FAT4: variants seen among roughly 807,000 people sequenced by gnomAD.
FAT4 encodes FAT atypical cadherin 4, also known as protocadherin Fat 4.
Under a neutral mutation model 303.9 loss-of-function variants are expected in FAT4, and 84 were observed. That is an observed-to-expected ratio of 0.28 (90% CI 0.23 to 0.33). The LOEUF (loss-of-function observed/expected upper bound fraction) is 0.33. Ranked by LOEUF, FAT4 falls within the 10% of genes least tolerant of loss-of-function variation. The pLI, the probability that FAT4 is intolerant of heterozygous loss-of-function variation, is 1.00. For synonymous variants in FAT4, 2,307 were observed against 2,298.8 expected (o/e 1.00, Z -0.10); for missense variants, 6,005 against 6,146.8 (o/e 0.98, Z 0.77).
chr4:125,487,502 A>G lies in FAT4; in HGVS notation c.12980A>G (p.Asn4327Ser), dbSNP rs759944779. The G allele has an allele frequency of 5.0e-6, 8 of 1,613,986 alleles. No homozygotes were observed. Among genetic ancestry groups the G allele is most frequent in the Non-Finnish European group, 1.7e-6 (2 of 1,179,972 alleles). The change falls in exon 17 of 18, where the codon AAC becomes AGC. Residue 4327 changes from asparagine to serine, a missense_variant. Transcript: ENST00000394329. ...GTATTGTCTGTTGACAGAATATATAACAGAGATATTATCCACCCTACTCAG... is the reference window on the plus strand; with the variant it reads ...GTATTGTCTGTTGACAGAATATATAGCAGAGATATTATCCACCCTACTCAG... Reference protein sequence around the residue: ...ATVLSVDRIYNRDIIHPTQDF... With the variant: ...ATVLSVDRIYSRDIIHPTQDF...
At chr4:125,439,824 G>T (rs914110962) in intron 8 of FAT4, among the ~76,000 whole-genome samples, 2 of 152,116 alleles carry the variant, frequency 1.3e-5, no homozygotes, top group African/African-American at 2.4e-5. Context: ...CAGAATTTCT[G>T]TTGAATTCTG....
In FAT4 at chr4:125,317,986, C is replaced by T; in HGVS notation, c.1575C>T (p.Ile525=). Residue 525 remains isoleucine (I), a synonymous_variant, in exon 2 of 18, where the codon ATC becomes ATT. Coordinates refer to ENST00000394329, the MANE Select transcript of FAT4 (RefSeq NM_001291303.3). The surrounding 1 kb of genome is among the most constrained non-coding windows in gnomAD (Gnocchi z 7.0). ...GCAATGGACTGGGATGGTTCCATAT[C>T]AGTGAACATAGCGGCCTCGTGACCA... ...VSGNGLGWFH[I]SEHSGLVTTG... is the part of the protein sequence containing the mutation. 1 of 1,614,196 alleles carries T rather than the reference C, an allele frequency of 6.2e-7. No homozygotes were observed. The highest frequency in any genetic ancestry group is 8.5e-7 in the Non-Finnish European group (1 of 1,180,038).
intron 2 of FAT4, among the ~76,000 whole-genome samples, chr4:125,325,078 G>C (rs1401412772): frequency 6.6e-5 from 10 of 151,962 alleles, no homozygotes; most frequent in Non-Finnish European, 1.2e-4. Context: ...TCCTTACACA[G>C]ATATTTTGAG....
At chr4:125,380,054 C>T (rs1211906132) in intron 2 of FAT4, among the ~76,000 whole-genome samples, 3 of 151,890 alleles carry the variant, frequency 2.0e-5, no homozygotes, top group Non-Finnish European at 2.9e-5. Flanking sequence ...CCACCACATC[C>T]GGCTAATTTT....
intron 2 of FAT4, among the ~76,000 whole-genome samples, chr4:125,328,225 A>C (rs1219075024): frequency 6.6e-6 from 1 of 152,246 alleles, no homozygotes; most frequent in Admixed American, 6.5e-5. Context: ...TAGGGAATGC[A>C]GACAGGTGAA....
At chr4:125,345,508 T>C (rs1731965126) in intron 2 of FAT4, among the ~76,000 whole-genome samples, 1 of 152,056 alleles carries the variant, frequency 6.6e-6, no homozygotes, top group South Asian at 2.1e-4. Flanking sequence ...TTAATTTTTT[T>C]CTGCAATTTT....
Position 125,451,682 on chromosome 4 carries a change from A to T in FAT4, c.10672A>T (p.Ser3558Cys). The T allele has an allele frequency of 6.2e-7, 1 of 1,614,134 alleles. No individual in the cohort carries two copies. The highest frequency in any genetic ancestry group is 1.1e-5 in the South Asian group (1 of 91,084). The stretch of plus-strand genomic sequence containing the variant: ...CTTGCTGAGCACAGGTCCTGCCACC[A>T]GTTATTTCAGTCTGAGCACTGCTGG... ...YYLLSTGPATSYFSLSTAGVL... is the reference protein window; with the variant it reads ...YYLLSTGPATCYFSLSTAGVL... The change falls in exon 10 of 18, where the codon AGT becomes TGT. Residue 3558 changes from serine to cysteine, a missense_variant. Transcript: ENST00000394329.
At chr4:125,366,145 T>C (rs750571815) in intron 2 of FAT4, among the ~76,000 whole-genome samples, 3 of 152,154 alleles carry the variant, frequency 2.0e-5, no homozygotes, top group Non-Finnish European at 2.9e-5. Context: ...ACTGCTGATA[T>C]AGGTAAACTT....
chr4:125,440,266 A>C (rs1725606719), intron 8 of FAT4, among the ~76,000 whole-genome samples: 1 of 151,790 alleles, frequency 6.6e-6, no homozygotes, highest in Admixed American at 6.6e-5. Flanking sequence ...TTCTCTGACC[A>C]TTTATTCCTG....
Position 125,320,844 on chromosome 4 carries a change from T to C in FAT4, c.4433T>C (p.Ile1478Thr). 1 of 1,614,198 alleles carries C rather than the reference T, an allele frequency of 6.2e-7. No individual in the cohort carries two copies. Among genetic ancestry groups the C allele is most frequent in the Non-Finnish European group, 8.5e-7 (1 of 1,180,018 alleles). Reference sequence around the variant, plus strand: ...ACCATAGATGAAGTCAAAGGGACTATATATACTAATGCTGAAATAGATCGG... The same window carrying C: ...ACCATAGATGAAGTCAAAGGGACTACATATACTAATGCTGAAATAGATCGG... Reference protein sequence around the residue: ...HFTIDEVKGTIYTNAEIDREF... With the variant: ...HFTIDEVKGTTYTNAEIDREF... Residue 1478 changes from isoleucine to threonine, a missense_variant, in exon 2 of 18, where the codon ATA (isoleucine) becomes ACA (threonine). Coordinates refer to ENST00000394329, the MANE Select transcript of FAT4 (RefSeq NM_001291303.3).
intron 2 of FAT4, among the ~76,000 whole-genome samples, chr4:125,325,014 G>C (rs1731098171): frequency 1.3e-5 from 2 of 151,558 alleles, no homozygotes; most frequent in Non-Finnish European, 2.9e-5. Context: ...AATCTTCTTG[G>C]GCAATATATT....
chr4:125,334,916 A>G (rs1731514694), intron 2 of FAT4, among the ~76,000 whole-genome samples: 1 of 152,186 alleles, frequency 6.6e-6, no homozygotes, highest in African/African-American at 2.4e-5. Context: ...CCTGTGTTGC[A>G]ACGCCAGCTT....
rs746901493 is a variant in FAT4 at position 125,415,284 on chromosome 4, G to T, written c.6321G>T (p.Arg2107Ser). Residue 2107 changes from arginine (R) to serine (S), a missense_variant, in exon 6 of 18, where the codon AGG becomes AGT. Arg to Ser is a moderately radical substitution (Grantham distance 110, BLOSUM62 -1). Coordinates refer to ENST00000394329, the MANE Select transcript of FAT4 (RefSeq NM_001291303.3). ...TTGGGACCATTGATGGTGAAGTGAG[G>T]CTCACTGGAGAACTGGACAGAGAAG... is the stretch of plus-strand genomic sequence containing the variant. ...FSIGTIDGEV[R>S]LTGELDREEV... is the part of the protein sequence containing the mutation. The T allele has an allele frequency of 6.2e-7, 1 of 1,614,052 alleles. No individual in the cohort carries two copies. Among genetic ancestry groups the T allele is most frequent in the Non-Finnish European group, 8.5e-7 (1 of 1,179,978 alleles).
intron 2 of FAT4, among the ~76,000 whole-genome samples, chr4:125,396,892 C>T (rs1734198367): frequency 6.7e-6 from 1 of 148,286 alleles, no homozygotes; most frequent in Non-Finnish European, 1.5e-5. Context: ...TTCTGAAGAA[C>T]ATTCATTACA....
chr4:125,409,288 C>T (rs1465413410), intron 5 of FAT4, among the ~76,000 whole-genome samples: 1 of 150,336 alleles, frequency 6.7e-6, no homozygotes, highest in Non-Finnish European at 1.5e-5. Flanking sequence ...CAGAGTTTCA[C>T]TCTTGTTGCC....
chr4:125,317,146 C>A lies in FAT4; in HGVS notation c.735C>A (p.Asp245Glu). The A allele has an allele frequency of 6.2e-7, 1 of 1,611,684 alleles. No homozygotes were observed. The change falls in exon 2 of 18, where the codon GAC (aspartate) becomes GAA (glutamate). Residue 245 changes from aspartate (D) to glutamate (E), a missense_variant. Asp to Glu is a conservative substitution (Grantham distance 45). Transcript: ENST00000394329. The surrounding 1 kb of genome is among the most constrained non-coding windows in gnomAD (Gnocchi z 7.0). ...QVNVTVQDIN[D>E]NPPVFGSSHY... is the part of the protein sequence containing the mutation. Reference sequence around the variant, plus strand: ...ACGTGACTGTGCAAGACATTAATGACAACCCCCCGGTTTTTGGCAGTTCTC... The same window carrying A: ...ACGTGACTGTGCAAGACATTAATGAAAACCCCCCGGTTTTTGGCAGTTCTC...
intron 2 of FAT4, among the ~76,000 whole-genome samples, chr4:125,343,404 C>T (rs930300669): frequency 1.3e-5 from 2 of 152,118 alleles, no homozygotes; most frequent in Admixed American, 6.6e-5. Context: ...CCCACTTCAC[C>T]TCCTGTGCAT....
chr4:125,457,355 G>A (rs1244092242), intron 10 of FAT4, among the ~76,000 whole-genome samples: 2 of 152,038 alleles, frequency 1.3e-5, no homozygotes, highest in Non-Finnish European at 2.9e-5. Flanking sequence ...CAAAAAATAG[G>A]AAGGGATATA....
At chr4:125,409,400 G>T (rs183606665) in intron 5 of FAT4, among the ~76,000 whole-genome samples, 1 of 152,098 alleles carries the variant, frequency 6.6e-6, no homozygotes, top group African/African-American at 2.4e-5. Flanking sequence ...AGGATTATAG[G>T]CATGCACCAC....
Sources: allele counts gnomAD v4.1 joint callset (sites outside exome capture counted in the v4.1 genomes callset), GRCh38; gene constraint gnomAD v4.1.1; non-coding constraint Gnocchi (gnomAD v3.1); transcripts MANE v1.5; gene names NCBI Gene and HGNC (gene_info 2026-07-23, HGNC 2026-07-21).